LUZP2: variants seen among roughly 807,000 people sequenced by gnomAD.
LUZP2 encodes the protein leucine zipper protein 2.
Under a neutral mutation model 51.6 loss-of-function variants are expected in LUZP2, and 52 were observed. That is an observed-to-expected ratio of 1.01 (90% CI 0.81 to 1.27). The LOEUF is 1.27. Among genes scored for constraint, LUZP2 ranks in the 50% most tolerant of loss-of-function variants. The pLI, the probability that LUZP2 is intolerant of heterozygous loss-of-function variation, is 0.00. For missense variants in LUZP2, 436 were observed against 395.4 expected, an observed-to-expected ratio of 1.10 and a Z score of -0.87; for synonymous variants, 154 against 137.3, an observed-to-expected ratio of 1.12 and a Z score of -0.85.
rs1269888326 is a variant in LUZP2 at position 24,611,658 on chromosome 11, A to G, written c.62+114353A>G. Reference sequence around the variant, plus strand: ...ATCATTCATCGTCATCATCATCATCATCCCTGGCGTTTATTGAGCCCTCCT... The same window carrying G: ...ATCATTCATCGTCATCATCATCATCGTCCCTGGCGTTTATTGAGCCCTCCT... On this transcript the variant is annotated intron_variant, in intron 1 of 11. Coordinates refer to ENST00000336930, the MANE Select transcript of LUZP2 (RefSeq NM_001009909.4). The surrounding 1 kb of genome is among the most constrained non-coding windows in gnomAD (Gnocchi z 4.6). Among the ~76,000 whole-genome samples the G allele has an allele frequency of 6.6e-6, 1 of 152,092 alleles. No individual in the cohort carries two copies. Among genetic ancestry groups the G allele is most frequent in the Non-Finnish European group, 1.5e-5 (1 of 68,018 alleles).
intron 1 of LUZP2, among the ~76,000 whole-genome samples, chr11:24,672,206 A>G (rs752792168): frequency 1.6e-4 from 24 of 152,132 alleles, no homozygotes; most frequent in Non-Finnish European, 3.1e-4. Context: ...TTGCTTACTG[A>G]AGTAGATTTT....
At chr11:24,793,453 G>A (rs147857560) in intron 5 of LUZP2, among the ~76,000 whole-genome samples, 1 of 152,248 alleles carries the variant, frequency 6.6e-6, no homozygotes, top group East Asian at 1.9e-4. Flanking sequence ...TCACAGATGG[G>A]TTTGCAGTGA....
intron 1 of LUZP2, among the ~76,000 whole-genome samples, chr11:24,713,442 C>T (rs1413000762): frequency 6.6e-6 from 1 of 152,064 alleles, no homozygotes; most frequent in Non-Finnish European, 1.5e-5. Context: ...TTAAATCTTT[C>T]TTTTTGATGT....
intron 9 of LUZP2, among the ~76,000 whole-genome samples, chr11:25,003,451 G>T (rs1361889727): frequency 6.6e-6 from 1 of 152,312 alleles, no homozygotes; most frequent in East Asian, 1.9e-4. Flanking sequence ...AGAGAGCAGG[G>T]TATAGGGGTG....
intron 9 of LUZP2, among the ~76,000 whole-genome samples, chr11:24,999,904 G>T (rs1590819325): frequency 6.6e-6 from 1 of 152,164 alleles, no homozygotes; most frequent in East Asian, 1.9e-4. Flanking sequence ...AAGATTTATT[G>T]TGAAGAGTGA....
intron 4 of LUZP2, among the ~76,000 whole-genome samples, chr11:24,759,268 G>T (rs1044878107): frequency 6.6e-6 from 1 of 151,986 alleles, no homozygotes; most frequent in South Asian, 2.1e-4. Context: ...ATAAAGAATT[G>T]TTATGTTCTT....
intron 9 of LUZP2, among the ~76,000 whole-genome samples, chr11:25,026,424 A>T: frequency 6.6e-6 from 1 of 152,324 alleles, no homozygotes; most frequent in East Asian, 1.9e-4. Flanking sequence ...GAGATAAATT[A>T]TTAGATTGTG....
chr11:24,564,814 A>G (rs1188444505), intron 1 of LUZP2, among the ~76,000 whole-genome samples: 1 of 152,202 alleles, frequency 6.6e-6, no homozygotes, highest in African/African-American at 2.4e-5. Context: ...GACTGAGTAA[A>G]TAAGAGTCAC....
intron 5 of LUZP2, among the ~76,000 whole-genome samples, chr11:24,875,371 C>A (rs1199536905): frequency 1.3e-5 from 2 of 148,896 alleles, no homozygotes; most frequent in Admixed American, 1.4e-4. Context: ...TTTGTTCTTG[C>A]AATAGTTTAC....
Position 24,914,528 on chromosome 11 carries a change from T to C in LUZP2, c.512T>C (p.Leu171Ser). 6.2e-7 allele frequency: 1 copy of C among 1,607,970 alleles called. No homozygotes were observed. Among genetic ancestry groups the C allele is most frequent in the Non-Finnish European group, 8.5e-7 (1 of 1,177,804 alleles). The change falls in exon 7 of 12, where the codon TTA becomes TCA. Residue 171 changes from leucine (L) to serine (S), a missense_variant. Transcript: ENST00000336930. ...LKELRYGKKD[L>S]LFKAQQLTDL... The stretch of plus-strand genomic sequence containing the variant: ...GAGCTTCGTTATGGGAAGAAGGATT[T>C]ATTATTTAAGGTGAGTCTCTTTTCT...
chr11:25,027,503 A>C (rs1857526523), intron 9 of LUZP2, among the ~76,000 whole-genome samples: 1 of 152,158 alleles, frequency 6.6e-6, no homozygotes, highest in Admixed American at 6.5e-5. Context: ...ATTTTAACTG[A>C]ATCATCTGGC....
At chr11:24,924,007 C>A (rs1392419184) in intron 7 of LUZP2, among the ~76,000 whole-genome samples, 2 of 152,000 alleles carry the variant, frequency 1.3e-5, no homozygotes. Flanking sequence ...AATATGGATT[C>A]AGTGAGGGCT....
At position 24,996,352 on chromosome 11, in the gene LUZP2, C is replaced by G. The variant is rs1856497178; in HGVS notation, c.765+13059C>G. ...CAATTAACTACTTGTAAAACAGATT[C>G]AACTCTCAAGGCATGTTTTTAAATT... On this transcript the variant is annotated intron_variant, in intron 9 of 11. Coordinates refer to ENST00000336930, the MANE Select transcript of LUZP2 (RefSeq NM_001009909.4). 2.0e-5 allele frequency among the ~76,000 whole-genome samples: 3 copies of G among 151,258 alleles called. No individual in the cohort carries two copies. In the East Asian group the frequency reaches 5.8e-4, roughly 29 times the overall value.
At position 24,566,131 on chromosome 11, in the gene LUZP2, T is replaced by C. The variant is rs921393756; in HGVS notation, c.62+68826T>C. The stretch of plus-strand genomic sequence containing the variant: ...AAATAAAGCAGGCAACAGAAACTGT[T>C]TTTCAAGGGGCCTAAATATTGTGCA... On this transcript the variant is annotated intron_variant, in intron 1 of 11. Transcript: ENST00000336930. Among the ~76,000 whole-genome samples, 36 of 151,596 alleles carry C rather than the reference T, an allele frequency of 2.4e-4. 1 individual carries two copies. Among genetic ancestry groups the C allele is most frequent in the Admixed American group, 2.2e-3 (34 of 15,202 alleles).
chr11:25,070,373 C>A (rs1001806709), intron 10 of LUZP2, among the ~76,000 whole-genome samples: 142 of 151,982 alleles, frequency 9.3e-4, no homozygotes, highest in African/African-American at 3.4e-3. Flanking sequence ...AAAGCAAAGG[C>A]AAAGCAAAGA....
chr11:24,917,173 TG>T (rs558461155), intron 7 of LUZP2, among the ~76,000 whole-genome samples: 3 of 152,186 alleles, frequency 2.0e-5, no homozygotes, highest in Non-Finnish European at 4.4e-5. Flanking sequence ...CCAATTTTGA[TG>T]GGGTTGTTTG....
chr11:24,506,349 G>T (rs1850145326), intron 1 of LUZP2, among the ~76,000 whole-genome samples: 2 of 151,956 alleles, frequency 1.3e-5, no homozygotes, highest in Non-Finnish European at 2.9e-5. Flanking sequence ...GAAAAGGTGG[G>T]AAAGTCTCTG....
chr11:25,032,554 C>CTTTTA (rs964771425), intron 9 of LUZP2, among the ~76,000 whole-genome samples: 1 of 152,074 alleles, frequency 6.6e-6, no homozygotes, highest in Non-Finnish European at 1.5e-5. Context: ...GTTGTTGAGT[C>CTTTTA]TTTTATTTTA....
At chr11:24,991,824 T>C (rs556725384) in intron 9 of LUZP2, among the ~76,000 whole-genome samples, 2 of 152,132 alleles carry the variant, frequency 1.3e-5, no homozygotes, top group African/African-American at 4.8e-5. Flanking sequence ...TCATTAGTGA[T>C]GTTGAGCATT....
Sources: allele counts gnomAD v4.1 joint callset (sites outside exome capture counted in the v4.1 genomes callset), GRCh38; gene constraint gnomAD v4.1.1; non-coding constraint Gnocchi (gnomAD v3.1); transcripts MANE v1.5; gene names NCBI Gene and HGNC (gene_info 2026-07-23, HGNC 2026-07-21).